UBE2Q2: variants seen among roughly 807,000 people sequenced by gnomAD.
UBE2Q2 encodes ubiquitin conjugating enzyme E2 Q2.
Under a neutral mutation model 59.9 loss-of-function variants are expected in UBE2Q2, and 54 were observed. The observed-to-expected ratio is 0.90, with a 90% CI of 0.72 to 1.13. UBE2Q2 has a LOEUF of 1.13. Ranked by LOEUF, UBE2Q2 falls within the 50% of genes most tolerant of loss-of-function variation. The pLI is 0.00. For missense variants in UBE2Q2, 433 were observed against 441.9 expected, an observed-to-expected ratio of 0.98 and a Z score of 0.18; for synonymous variants, 165 against 155.2, an observed-to-expected ratio of 1.06 and a Z score of -0.47.
chr15:75,883,201 A>G (rs997930147), intron 8 of UBE2Q2, among the ~76,000 whole-genome samples, 165 bp from the exon 9 acceptor site: 4 of 151,548 alleles, frequency 2.6e-5, no homozygotes, highest in Non-Finnish European at 5.9e-5. Flanking sequence ...CTTCATTTTT[A>G]TTTGCTTTGG....
At chr15:75,878,050 CT>C (rs775876616) in intron 7 of UBE2Q2, 29 bp downstream of exon 7, 1 of 1,596,722 alleles carries the variant, frequency 6.3e-7, no homozygotes, top group East Asian at 2.2e-5. Flanking sequence ...CTCACCCACT[CT>C]TTGCAATGGT....
chr15:75,893,282 T>C (rs916123127), intron 11 of UBE2Q2, among the ~76,000 whole-genome samples: 1 of 152,212 alleles, frequency 6.6e-6, no homozygotes, highest in African/African-American at 2.4e-5. Flanking sequence ...GATAAAGATA[T>C]GCCAGTATAC....
chr15:75,855,548 A>G (rs1417074051), intron 2 of UBE2Q2, among the ~76,000 whole-genome samples: 1 of 152,166 alleles, frequency 6.6e-6, no homozygotes, highest in Admixed American at 6.6e-5. Flanking sequence ...TTATAGAAAA[A>G]TAATCATCAT....
intron 4 of UBE2Q2, 21 bp downstream of exon 4, chr15:75,869,031 A>C: frequency 6.3e-7 from 1 of 1,592,826 alleles, no homozygotes. Flanking sequence ...TATATAAAAG[A>C]AGAGTTCATA....
At chr15:75,860,050 G>A (rs549496514) in intron 3 of UBE2Q2, 68 bp downstream of exon 3, 82 of 1,131,572 alleles carry the variant, frequency 7.2e-5, no homozygotes, top group Admixed American at 7.1e-4. Context: ...AAACTAGGAT[G>A]ATTTTTCTTT....
intron 3 of UBE2Q2, among the ~76,000 whole-genome samples, chr15:75,861,937 C>T (rs1364506808): frequency 6.6e-6 from 1 of 152,182 alleles, no homozygotes; most frequent in Non-Finnish European, 1.5e-5. Context: ...CTTCTTCACC[C>T]ACAGGTCTGC....
intron 11 of UBE2Q2, among the ~76,000 whole-genome samples, chr15:75,891,958 C>G (rs1412231272): frequency 6.6e-6 from 1 of 152,134 alleles, no homozygotes; most frequent in African/African-American, 2.4e-5. Flanking sequence ...TTTCTATGAT[C>G]AGGAAAGGCA....
chr15:75,880,305 G>A (rs911792825), intron 8 of UBE2Q2, among the ~76,000 whole-genome samples: 1 of 151,914 alleles, frequency 6.6e-6, no homozygotes, highest in African/African-American at 2.4e-5. Flanking sequence ...TAGAGACGGG[G>A]TTTCACCATG....
At position 75,844,596 on chromosome 15, in the gene UBE2Q2, C is replaced by T. The variant is rs913533768; in HGVS notation, c.180+750C>T. On this transcript the variant is annotated intron_variant, in intron 1 of 12. Coordinates refer to ENST00000267938, the MANE Select transcript of UBE2Q2 (RefSeq NM_173469.4). ...TGCTCCCCGGAAAGATCACGTATGT[C>T]ACAAAGCCGAAAAGACACTTTTAAA... is the stretch of plus-strand genomic sequence containing the variant. 3.2e-6 allele frequency: 4 copies of T among 1,233,254 alleles called. No homozygotes were observed. The African/African-American group carries it at 4.6e-5, about 14-fold the overall frequency. 76.4% of individuals were successfully genotyped at this position (1,233,254 alleles called of 1,614,324 possible). A position where few individuals can be genotyped will look rare whatever the true frequency, so the allele number is the denominator to read the frequency against.
At chr15:75,864,890 A>G (rs1897378582) in intron 3 of UBE2Q2, among the ~76,000 whole-genome samples, 1 of 152,242 alleles carries the variant, frequency 6.6e-6, no homozygotes, top group Non-Finnish European at 1.5e-5. Context: ...TTTTTAAACA[A>G]ACATGTAAGG....
At chr15:75,845,362 C>T (rs1896290306) in intron 1 of UBE2Q2, among the ~76,000 whole-genome samples, 2 of 152,134 alleles carry the variant, frequency 1.3e-5, no homozygotes, top group African/African-American at 2.4e-5. Context: ...ACTTGAGAAG[C>T]CCACGATACA....
chr15:75,898,769 GA>G (rs1899580801), intron 12 of UBE2Q2, among the ~76,000 whole-genome samples: 1 of 152,146 alleles, frequency 6.6e-6, no homozygotes, highest in East Asian at 1.9e-4. Flanking sequence ...TACTTTCCAT[GA>G]GGCTTACTTT....
chr15:75,869,266 A>G (rs964828350), intron 4 of UBE2Q2, among the ~76,000 whole-genome samples: 1 of 152,240 alleles, frequency 6.6e-6, no homozygotes, highest in African/African-American at 2.4e-5. Flanking sequence ...AATTATATTT[A>G]TGTTTAATAC....
intron 1 of UBE2Q2, 56 bp from the exon 2 acceptor site, chr15:75,854,330 G>T (rs1896791786): frequency 1.3e-5 from 18 of 1,361,610 alleles, no homozygotes; most frequent in Admixed American, 1.9e-5. Context: ...TGGTTTAATT[G>T]CATATTTGGG....
intron 9 of UBE2Q2, among the ~76,000 whole-genome samples, chr15:75,885,371 C>T (rs1898701788): frequency 6.6e-6 from 1 of 152,204 alleles, no homozygotes; most frequent in Admixed American, 6.5e-5. Context: ...CTGCCTCAGC[C>T]TCCCAAAGTG....
intron 12 of UBE2Q2, among the ~76,000 whole-genome samples, chr15:75,897,517 A>C (rs574022967): frequency 3.3e-5 from 5 of 152,130 alleles, no homozygotes; most frequent in African/African-American, 1.2e-4. Context: ...CTGCACCACA[A>C]AACCTTAACA....
intron 9 of UBE2Q2, among the ~76,000 whole-genome samples, chr15:75,884,897 G>A (rs187238443): frequency 3.4e-4 from 52 of 152,210 alleles, no homozygotes; most frequent in African/African-American, 1.1e-3. Flanking sequence ...CATCTTACCC[G>A]CCTCAGCCTT....
intron 12 of UBE2Q2, 136 bp from the exon 13 acceptor site, chr15:75,899,291 A>T (rs1899620652): frequency 4.4e-6 from 1 of 227,136 alleles, no homozygotes; most frequent in African/African-American, 2.4e-5. Flanking sequence ...TATATATATA[A>T]TATATATATA....
At chr15:75,849,270 A>G (rs1231286010) in intron 1 of UBE2Q2, among the ~76,000 whole-genome samples, 2 of 152,202 alleles carry the variant, frequency 1.3e-5, no homozygotes, top group Non-Finnish European at 2.9e-5. Flanking sequence ...TGAACAGCAA[A>G]CTATGAAAGT....
Sources: gnomAD v4.1 joint callset for allele counts (sites outside exome capture counted in the v4.1 genomes callset) on GRCh38, gnomAD v4.1.1 for gene constraint, MANE v1.5 for transcripts, NCBI Gene and HGNC (gene_info 2026-07-23, HGNC 2026-07-21) for gene names.